The following LUZP2 variants were observed in gnomAD, a reference collection of about 807,000 sequenced individuals.
LUZP2 encodes leucine zipper protein 2.
In LUZP2, 52 loss-of-function variants were observed where a neutral mutation model predicts 51.6. That is an observed-to-expected ratio of 1.01 (90% CI 0.81 to 1.27). The LOEUF (loss-of-function observed/expected upper bound fraction) is 1.27. LUZP2 is among the 50% of genes most tolerant of loss of function. The pLI, the probability that LUZP2 is intolerant of heterozygous loss-of-function variation, is 0.00. For synonymous variants in LUZP2, 154 were observed against 137.3 expected (o/e 1.12, Z -0.85); for missense variants, 436 against 395.4 (o/e 1.10, Z -0.87).
intron 1 of LUZP2, among the ~76,000 whole-genome samples, chr11:24,596,748 C>A (rs1853457275): frequency 6.6e-6 from 1 of 152,140 alleles, no homozygotes; most frequent in Non-Finnish European, 1.5e-5. Flanking sequence ...AACTACAGTT[C>A]TTGGCTGAGG....
chr11:25,015,537 A>G (rs1041691832), intron 9 of LUZP2, among the ~76,000 whole-genome samples: 2 of 151,894 alleles, frequency 1.3e-5, no homozygotes, highest in Non-Finnish European at 2.9e-5. Context: ...CTTGTTTTTC[A>G]TGGCCTGATA....
chr11:24,879,895 C>T (rs948665554), intron 5 of LUZP2, among the ~76,000 whole-genome samples: 16 of 152,092 alleles, frequency 1.1e-4, no homozygotes, highest in African/African-American at 3.6e-4. Context: ...CTCTTTTCAG[C>T]TCCTGAAGTG....
chr11:24,654,566 G>C (rs578171215), intron 1 of LUZP2, among the ~76,000 whole-genome samples: 5 of 151,850 alleles, frequency 3.3e-5, no homozygotes, highest in Non-Finnish European at 5.9e-5. Context: ...ACAGTGGCGC[G>C]ATCTCTGCTC....
intron 9 of LUZP2, among the ~76,000 whole-genome samples, chr11:25,022,869 A>G (rs1857381185): frequency 1.3e-5 from 2 of 152,160 alleles, no homozygotes; most frequent in South Asian, 2.1e-4. Flanking sequence ...AGGCTGTTGA[A>G]TTTTGTTGAA....
At chr11:24,958,595 G>A (rs991921030) in intron 7 of LUZP2, among the ~76,000 whole-genome samples, 15 of 151,870 alleles carry the variant, frequency 9.9e-5, no homozygotes, top group African/African-American at 3.6e-4. Flanking sequence ...CTTTTTGATG[G>A]GGTTGTTTGT....
chr11:24,760,377 G>A (rs1459057315), intron 4 of LUZP2, among the ~76,000 whole-genome samples: 1 of 152,094 alleles, frequency 6.6e-6, no homozygotes, highest in Non-Finnish European at 1.5e-5. Flanking sequence ...CAGTTGATTA[G>A]GAGGACTTAG....
At chr11:24,994,159 C>CTTTTTT (rs58939086) in intron 9 of LUZP2, among the ~76,000 whole-genome samples, 1 of 127,678 alleles carries the variant, frequency 7.8e-6, no homozygotes, top group African/African-American at 3.0e-5. Flanking sequence ...GCACCTGGCC[C>CTTTTTT]TTTTTTTTTT....
At chr11:24,785,907 A>G (rs1849233120) in intron 5 of LUZP2, 3 of 985,242 alleles carry the variant, frequency 3.0e-6, no homozygotes, top group South Asian at 9.4e-5. Context: ...GGCAGCAGTT[A>G]TAACTAGCAG....
At chr11:24,610,382 C>T (rs1046390160) in intron 1 of LUZP2, among the ~76,000 whole-genome samples, 3 of 152,154 alleles carry the variant, frequency 2.0e-5, no homozygotes, top group African/African-American at 7.2e-5. Context: ...GCAGCAGAAA[C>T]TGCCTTTTGA....
At chr11:24,890,598 G>T (rs1333541933) in intron 5 of LUZP2, among the ~76,000 whole-genome samples, 1 of 152,044 alleles carries the variant, frequency 6.6e-6, no homozygotes, top group Non-Finnish European at 1.5e-5. Context: ...CATTAAAGAG[G>T]ATCATCAAAA....
At chr11:24,812,382 T>C (rs1313547618) in intron 5 of LUZP2, among the ~76,000 whole-genome samples, 1 of 152,174 alleles carries the variant, frequency 6.6e-6, no homozygotes, top group Non-Finnish European at 1.5e-5. Flanking sequence ...ATTCCCCTTC[T>C]GCTTCTCAGC....
intron 5 of LUZP2, among the ~76,000 whole-genome samples, chr11:24,878,043 C>T (rs1005559174): frequency 6.7e-6 from 1 of 148,364 alleles, no homozygotes; most frequent in Non-Finnish European, 1.5e-5. Flanking sequence ...ATCTTTTAGT[C>T]TTCCTACTTG....
chr11:25,077,588 C>A (rs1288064053), intron 11 of LUZP2, among the ~76,000 whole-genome samples, 182 bp downstream of exon 11: 1 of 151,810 alleles, frequency 6.6e-6, no homozygotes, highest in Non-Finnish European at 1.5e-5. Context: ...CAAACTCCAC[C>A]TCCAGGGCTC....
chr11:24,812,011 C>A (rs116001114), intron 5 of LUZP2, among the ~76,000 whole-genome samples: 2,496 of 152,218 alleles, frequency 0.016, 68 homozygotes, highest in African/African-American at 0.057. Flanking sequence ...AGAAAGTGAT[C>A]ATTTGCCATC....
At chr11:24,502,882 G>A (rs1353225486) in intron 1 of LUZP2, among the ~76,000 whole-genome samples, 3 of 152,158 alleles carry the variant, frequency 2.0e-5, no homozygotes, top group Non-Finnish European at 4.4e-5. Flanking sequence ...AATAAAAGTG[G>A]AAGTTTTCAA....
chr11:24,621,669 C>A (rs1188563468), intron 1 of LUZP2, among the ~76,000 whole-genome samples: 4 of 151,952 alleles, frequency 2.6e-5, no homozygotes. Context: ...TATATTTTTC[C>A]TTAAGGTTTT....
intron 1 of LUZP2, among the ~76,000 whole-genome samples, chr11:24,511,678 AT>A (rs565087140): frequency 7.7e-4 from 118 of 152,312 alleles, no homozygotes; most frequent in Non-Finnish European, 1.4e-3. Context: ...CAAAGTTCAT[AT>A]GTATTTTATG....
chr11:24,856,692 A>T (rs1449721845), intron 5 of LUZP2, among the ~76,000 whole-genome samples: 1 of 152,108 alleles, frequency 6.6e-6, no homozygotes, highest in Non-Finnish European at 1.5e-5. Context: ...CCATCAATGG[A>T]TAATTGGATA....
At chr11:24,654,105 T>C (rs145211146) in intron 1 of LUZP2, among the ~76,000 whole-genome samples, 2 of 152,248 alleles carry the variant, frequency 1.3e-5, no homozygotes, top group East Asian at 3.9e-4. Flanking sequence ...TAGAAAGATA[T>C]ACATACAAAG....
Sources: allele counts gnomAD v4.1 joint callset (sites outside exome capture counted in the v4.1 genomes callset), GRCh38; gene constraint gnomAD v4.1.1; transcripts MANE v1.5; gene names NCBI Gene and HGNC (gene_info 2026-07-23, HGNC 2026-07-21).